The following L3MBTL1 variants were observed in gnomAD, a reference collection of about 807,000 sequenced individuals.
L3MBTL1 encodes the protein L3MBTL histone methyl-lysine binding protein 1.
L3MBTL1 carries 75 observed loss-of-function variants against 105.3 expected under a neutral mutation model. The ratio of observed to expected loss-of-function variants is 0.71; its 90% confidence interval spans 0.59 to 0.86. L3MBTL1 has a LOEUF of 0.86. Among genes scored for constraint, L3MBTL1 ranks in the 40% least tolerant of loss-of-function variants. L3MBTL1 has a pLI of 0.00. For synonymous variants in L3MBTL1, 452 were observed against 436.2 expected, an observed-to-expected ratio of 1.04 and a Z score of -0.45; for missense variants, 1,069 against 1,126.4, an observed-to-expected ratio of 0.95 and a Z score of 0.73.
At chr20:43,519,292 G>T (rs1245355929) in intron 7 of L3MBTL1, among the ~76,000 whole-genome samples, 3 of 145,190 alleles carry the variant, frequency 2.1e-5, no homozygotes, top group South Asian at 2.2e-4. Context: ...AGCTGAGAGT[G>T]CACCACTGCA....
At chr20:43,518,777 G>A (rs2018539408) in intron 7 of L3MBTL1, among the ~76,000 whole-genome samples, 1 of 148,736 alleles carries the variant, frequency 6.7e-6, no homozygotes, top group African/African-American at 2.5e-5. Context: ...GGGAGGCCGA[G>A]GCAGGCGGAT....
chr20:43,508,672 T>G (rs1310972513), intron 1 of L3MBTL1, among the ~76,000 whole-genome samples: 3 of 152,262 alleles, frequency 2.0e-5, no homozygotes, highest in Admixed American at 6.5e-5. Flanking sequence ...CTACAATGGT[T>G]GTTTTAGGTC....
At chr20:43,521,727 A>T (rs2018714793) in intron 7 of L3MBTL1, among the ~76,000 whole-genome samples, 1 of 152,142 alleles carries the variant, frequency 6.6e-6, no homozygotes, top group Non-Finnish European at 1.5e-5. Flanking sequence ...ATTTTTTATC[A>T]TTATTTTTAG....
At chr20:43,508,128 G>A (rs1317489408) in intron 1 of L3MBTL1, among the ~76,000 whole-genome samples, 1 of 151,964 alleles carries the variant, frequency 6.6e-6, no homozygotes, top group African/African-American at 2.4e-5. Flanking sequence ...GAGTCATTTG[G>A]CAAACTTTCC....
intron 1 of L3MBTL1, among the ~76,000 whole-genome samples, chr20:43,512,391 G>A (rs959230289): frequency 2.6e-5 from 4 of 151,994 alleles, no homozygotes; most frequent in Admixed American, 6.5e-5. Context: ...CTTATTTCTT[G>A]TCAGAGACAG....
intron 7 of L3MBTL1, among the ~76,000 whole-genome samples, chr20:43,516,758 G>A (rs1228111689): frequency 2.6e-5 from 4 of 151,944 alleles, no homozygotes; most frequent in South Asian, 4.1e-4. Context: ...CACAAGGACA[G>A]TATCTGTTTT....
chr20:43,513,335 C>A, intron 1 of L3MBTL1, 141 bp from the exon 2 acceptor site: 1 of 803,478 alleles, frequency 1.2e-6, no homozygotes, highest in Non-Finnish European at 1.9e-6. Context: ...CCCTACTCCC[C>A]ACAGGACTGA....
intron 10 of L3MBTL1, 134 bp downstream of exon 10, chr20:43,530,553 C>T (rs2019280773): frequency 8.4e-6 from 9 of 1,066,130 alleles, no homozygotes; most frequent in South Asian, 4.8e-5. Context: ...CTCTCTTCAT[C>T]GCATCCTGAT....
At chr20:43,525,694 T>C (rs947936654) in intron 7 of L3MBTL1, among the ~76,000 whole-genome samples, 2 of 152,182 alleles carry the variant, frequency 1.3e-5, no homozygotes, top group South Asian at 4.1e-4. Flanking sequence ...TAGTAATTGC[T>C]GAAGGATTTG....
At chr20:43,536,864 C>A (rs1323485325) in intron 19 of L3MBTL1, among the ~76,000 whole-genome samples, 1 of 152,222 alleles carries the variant, frequency 6.6e-6, no homozygotes, top group Non-Finnish European at 1.5e-5. Context: ...ACTTGAGTAA[C>A]TGGATAAAAC....
intron 7 of L3MBTL1, among the ~76,000 whole-genome samples, chr20:43,518,649 A>G (rs563514061): frequency 6.6e-6 from 1 of 152,110 alleles, no homozygotes; most frequent in Non-Finnish European, 1.5e-5. Context: ...GAAACCATGG[A>G]TAGTACTGAA....
intron 3 of L3MBTL1, 123 bp downstream of exon 3, chr20:43,514,184 G>T: frequency 1.1e-6 from 1 of 922,736 alleles, no homozygotes; most frequent in Non-Finnish European, 1.6e-6. Context: ...GGCCCTAGGG[G>T]TGGGCTTTGA....
At chr20:43,547,325 C>T (rs569856891) in intron 18 of L3MBTL1, among the ~76,000 whole-genome samples, 8 of 152,012 alleles carry the variant, frequency 5.3e-5, no homozygotes, top group African/African-American at 1.2e-4. Context: ...AGGATGGTCT[C>T]GATCTCCTGA....
intron 6 of L3MBTL1, 92 bp downstream of exon 6, chr20:43,515,507 GGCCAGAGAAGACAC>G: frequency 1.4e-6 from 2 of 1,475,386 alleles, no homozygotes; most frequent in Non-Finnish European, 1.8e-6. Flanking sequence ...TATGGAGCTG[GGCCAGAGAAGACAC>G]GCATAATGAC....
chr20:43,511,780 C>CAA (rs35702977), intron 1 of L3MBTL1, among the ~76,000 whole-genome samples: 13 of 106,512 alleles, frequency 1.2e-4, no homozygotes, highest in Non-Finnish European at 1.4e-4. Context: ...GACTCCATCT[C>CAA]AAAAAAAAAA....
intron 11 of L3MBTL1, chr20:43,532,427 C>T: frequency 4.4e-6 from 1 of 225,652 alleles, no homozygotes; most frequent in Non-Finnish European, 8.7e-6. Context: ...CCACTGTTGC[C>T]ACAACTGCCT....
rs769025832 is a variant in L3MBTL1, at chr20:43,515,428, C to T, written c.777+13C>T. ...GCCAGAGGCCATGGTAGGAAGAGGG[C>T]AGTGGGGAAGGGAGGGGGAAGCTAT... On this transcript the variant is annotated intron_variant, in intron 6 of 21. Transcript: ENST00000418998. 1.1e-4 allele frequency: 164 copies of T among 1,552,490 alleles called. No individual in the cohort carries two copies. Among genetic ancestry groups the T allele is most frequent in the Non-Finnish European group, 1.4e-4 (160 of 1,146,766 alleles).
At chr20:43,507,955 C>T (rs1600880935) in intron 1 of L3MBTL1, among the ~76,000 whole-genome samples, 3 of 152,060 alleles carry the variant, frequency 2.0e-5, no homozygotes, top group African/African-American at 7.2e-5. Context: ...CAGGCGGGTG[C>T]GGGACTCCAG....
Position 43,533,272 on chromosome 20 carries a change from T to A in L3MBTL1, c.1437-70T>A. Reference sequence around the variant, plus strand: ...GTAGATGAGGGTGGGCCCTGAGCCATGCTTTCAGAGGATGGCAGGCTCAGG... The same window carrying A: ...GTAGATGAGGGTGGGCCCTGAGCCAAGCTTTCAGAGGATGGCAGGCTCAGG... On this transcript the variant is annotated intron_variant, in intron 12 of 21. Coordinates refer to ENST00000418998, the MANE Select transcript of L3MBTL1 (RefSeq NM_001377303.1). 3 of 1,420,582 alleles carry A rather than the reference T, an allele frequency of 2.1e-6. No individual in the cohort carries two copies. The South Asian group carries it at 3.7e-5, about 17-fold the overall frequency. 88.0% of individuals were successfully genotyped at this position (1,420,582 alleles called of 1,614,324 possible). A position where few individuals can be genotyped will look rare whatever the true frequency, so the allele number is the denominator to read the frequency against.
Sources: allele counts gnomAD v4.1 joint callset (sites outside exome capture counted in the v4.1 genomes callset), GRCh38; gene constraint gnomAD v4.1.1; transcripts MANE v1.5; gene names NCBI Gene and HGNC (gene_info 2026-07-23, HGNC 2026-07-21).